NMNAT1: variants seen among roughly 807,000 people sequenced by gnomAD.
NMNAT1 encodes the protein nicotinamide/nicotinic acid mononucleotide adenylyltransferase 1.
NMNAT1 carries 11 observed loss-of-function variants against 16.7 expected under a neutral mutation model. The ratio of observed to expected loss-of-function variants is 0.66; its 90% CI spans 0.41 to 1.09. NMNAT1 has a LOEUF of 1.09. NMNAT1 is among the 50% of genes least tolerant of loss of function. The pLI is 0.00. For missense variants in NMNAT1, 280 were observed against 332.3 expected (o/e 0.84, Z 1.22); for synonymous variants, 110 against 119.8 (o/e 0.92, Z 0.53).
downstream of NMNAT1, among the ~76,000 whole-genome samples, chr1:9,985,807 C>A (rs769721609): frequency 6.6e-6 from 1 of 152,266 alleles, no homozygotes; most frequent in Non-Finnish European, 1.5e-5. Flanking sequence ...GGATTACAGG[C>A]GTGTGTTACC....
At chr1:9,985,767 A>G (rs538595325), downstream of NMNAT1, among the ~76,000 whole-genome samples, 8 of 152,266 alleles carry the variant, frequency 5.3e-5, no homozygotes, top group Non-Finnish European at 1.2e-4. Context: ...GGTTCAAGCA[A>G]TTCTCCTGCT....
chr1:9,969,698 C>T (rs1448035928), intron 1 of NMNAT1, among the ~76,000 whole-genome samples: 1 of 152,102 alleles, frequency 6.6e-6, no homozygotes, highest in Non-Finnish European at 1.5e-5. Context: ...TTGCAGTGAG[C>T]TGAGATCGTG....
intron 1 of NMNAT1, among the ~76,000 whole-genome samples, chr1:9,968,290 T>C (rs1641604879): frequency 6.6e-6 from 1 of 151,078 alleles, no homozygotes; most frequent in African/African-American, 2.4e-5. Context: ...GCCAGGGTGG[T>C]CTCGATCTCC....
intron 1 of NMNAT1, among the ~76,000 whole-genome samples, chr1:9,961,145 C>T (rs901284642): frequency 6.6e-6 from 1 of 152,186 alleles, no homozygotes; most frequent in Non-Finnish European, 1.5e-5. Context: ...TTCCTTTATG[C>T]TGAGAGATCA....
At chr1:9,943,322 G>C (rs537886432), upstream of NMNAT1, 2 of 153,968 alleles carry the variant, frequency 1.3e-5, no homozygotes, top group South Asian at 3.8e-4. Context: ...GCCAGTCCCA[G>C]AGTTTAGGGC....
At chr1:9,972,918 A>C (rs1570705484) in intron 2 of NMNAT1, among the ~76,000 whole-genome samples, 1 of 151,936 alleles carries the variant, frequency 6.6e-6, no homozygotes, top group Non-Finnish European at 1.5e-5. Context: ...CCATGATTGC[A>C]CCTTTGCCCA....
At chr1:9,954,519 T>C (rs1641204578) in intron 1 of NMNAT1, among the ~76,000 whole-genome samples, 1 of 152,146 alleles carries the variant, frequency 6.6e-6, no homozygotes, top group South Asian at 2.1e-4. Context: ...CTGTATCACT[T>C]TTTGACTTCA....
At chr1:9,959,553 C>T (rs916663139) in intron 1 of NMNAT1, among the ~76,000 whole-genome samples, 4 of 151,674 alleles carry the variant, frequency 2.6e-5, no homozygotes, top group Admixed American at 6.6e-5. Flanking sequence ...TGGTGGCATG[C>T]GCCTGTAATC....
chr1:9,962,479 C>T (rs1641439286), intron 1 of NMNAT1, among the ~76,000 whole-genome samples: 1 of 141,530 alleles, frequency 7.1e-6, no homozygotes, highest in Admixed American at 7.2e-5. Context: ...GAGACTCCGT[C>T]TGAAAAAAAA....
chr1:9,952,149 A>T lies in NMNAT1; in HGVS notation c.-57+8634A>T, dbSNP rs111256965. Among the ~76,000 whole-genome samples, 1,149 of 152,136 alleles carry T rather than the reference A, an allele frequency of 7.6e-3. 16 individuals are homozygous for T. The highest frequency in any genetic ancestry group is 0.027 in the African/African-American group (1,108 of 41,522). On this transcript the variant is annotated intron_variant, in intron 1 of 4. Coordinates refer to ENST00000377205, the MANE Select transcript of NMNAT1 (RefSeq NM_022787.4). ...CCATCTCTACTAAAAAAAAATACAA[A>T]AAATTAGCCGGGCATGGTGGCGGGC...
At chr1:9,968,320 T>C (rs1206334536) in intron 1 of NMNAT1, among the ~76,000 whole-genome samples, 3 of 151,280 alleles carry the variant, frequency 2.0e-5, no homozygotes, top group African/African-American at 4.8e-5. Flanking sequence ...GATCTGCCCA[T>C]CTTGGCCTCC....
At chr1:9,969,808 A>G (rs1641647579) in intron 1 of NMNAT1, among the ~76,000 whole-genome samples, 1 of 152,138 alleles carries the variant, frequency 6.6e-6, no homozygotes, top group African/African-American at 2.4e-5. Flanking sequence ...GAGGCAGAAA[A>G]TCATCAATGA....
At chr1:9,989,147 A>AC (rs1465831316), downstream of NMNAT1, among the ~76,000 whole-genome samples, 1 of 151,474 alleles carries the variant, frequency 6.6e-6, no homozygotes, top group Non-Finnish European at 1.5e-5. Flanking sequence ...CCCATGGCCC[A>AC]CCCCCCATCC....
chr1:9,980,467 A>G (rs1250392327), intron 3 of NMNAT1, among the ~76,000 whole-genome samples: 2 of 150,272 alleles, frequency 1.3e-5, no homozygotes, highest in Admixed American at 6.6e-5. Flanking sequence ...AAAAATACAA[A>G]AAAAAATTGG....
At chr1:9,982,231 C>A (rs1641963974) in intron 4 of NMNAT1, 70 bp from the exon 5 acceptor site, 3 of 1,511,992 alleles carry the variant, frequency 2.0e-6, no homozygotes, top group African/African-American at 2.8e-5. Flanking sequence ...GAAAAGTAAA[C>A]CCCTTTCCAC....
downstream of NMNAT1, among the ~76,000 whole-genome samples, chr1:9,989,533 A>G (rs539293068): frequency 1.4e-4 from 22 of 152,140 alleles, no homozygotes; most frequent in Non-Finnish European, 2.4e-4. Context: ...GACGGCAGAA[A>G]TAAGTGGCTT....
chr1:9,988,020 C>T (rs1642066179), downstream of NMNAT1, among the ~76,000 whole-genome samples: 1 of 151,994 alleles, frequency 6.6e-6, no homozygotes, highest in African/African-American at 2.4e-5. Flanking sequence ...TTTTTTGAGA[C>T]AGAGTCTTGT....
chr1:9,955,834 G>C (rs1053429219), intron 1 of NMNAT1: 1 of 152,058 alleles, frequency 6.6e-6, no homozygotes, highest in African/African-American at 2.4e-5. Context: ...TTGTGAAGAA[G>C]GTAAAGATGG....
intron 1 of NMNAT1, among the ~76,000 whole-genome samples, chr1:9,953,530 T>C (rs1641170326): frequency 6.6e-6 from 1 of 151,468 alleles, no homozygotes; most frequent in South Asian, 2.1e-4. Context: ...AACCTCTGCC[T>C]CCCGGGTTCA....
Sources: gnomAD v4.1 joint callset for allele counts (sites outside exome capture counted in the v4.1 genomes callset) on GRCh38, gnomAD v4.1.1 for gene constraint, MANE v1.5 for transcripts, NCBI Gene and HGNC (gene_info 2026-07-23, HGNC 2026-07-21) for gene names.